FMN1: variants seen among roughly 807,000 people sequenced by gnomAD.
FMN1 encodes formin-1.
Under a neutral mutation model 132.4 loss-of-function variants are expected in FMN1, and 110 were observed. The ratio of observed to expected loss-of-function variants is 0.83; its 90% CI spans 0.71 to 0.97. The LOEUF is 0.97. Among genes scored for constraint, FMN1 ranks in the 50% least tolerant of loss-of-function variants. The pLI is 0.00. For synonymous variants in FMN1, 722 were observed against 651.7 expected (o/e 1.11, Z -1.64); for missense variants, 1,792 against 1,705.3 (o/e 1.05, Z -0.90).
intron 4 of FMN1, among the ~76,000 whole-genome samples, chr15:33,126,993 G>A (rs1295927376): frequency 3.3e-5 from 5 of 152,214 alleles, no homozygotes; most frequent in Non-Finnish European, 5.9e-5. Context: ...GCAAGATGCT[G>A]TCATGACTAC....
At chr15:32,851,144 A>T (rs1402329734) in intron 17 of FMN1, among the ~76,000 whole-genome samples, 1 of 152,194 alleles carries the variant, frequency 6.6e-6, no homozygotes, top group East Asian at 1.9e-4. Context: ...AGTTTCATAG[A>T]CTAGGGCTAG....
At chr15:32,830,380 T>A (rs1381016481) in intron 17 of FMN1, among the ~76,000 whole-genome samples, 1 of 152,202 alleles carries the variant, frequency 6.6e-6, no homozygotes, top group Non-Finnish European at 1.5e-5. Flanking sequence ...CCAGATCACA[T>A]TTTTGGAGTT....
chr15:32,847,858 AAAAC>A (rs1156573874), intron 17 of FMN1, among the ~76,000 whole-genome samples: 2 of 152,212 alleles, frequency 1.3e-5, no homozygotes, highest in African/African-American at 2.4e-5. Context: ...CCATCTCAAA[AAAAC>A]AAACAAACAA....
At chr15:32,916,823 C>T (rs1383584835) in intron 10 of FMN1, among the ~76,000 whole-genome samples, 1 of 152,164 alleles carries the variant, frequency 6.6e-6, no homozygotes, top group African/African-American at 2.4e-5. Context: ...AACTTAGCTG[C>T]TTTGCCCAAA....
chr15:33,106,211 G>C (rs924048202), intron 4 of FMN1: 1 of 151,686 alleles, frequency 6.6e-6, no homozygotes, highest in African/African-American at 2.4e-5. Flanking sequence ...ATTTTTCCTT[G>C]CTTCTTAACA....
At chr15:33,170,506 A>G (rs1965277445) in intron 3 of FMN1, among the ~76,000 whole-genome samples, 1 of 152,004 alleles carries the variant, frequency 6.6e-6, no homozygotes, top group African/African-American at 2.4e-5. Context: ...TTTTCATCTG[A>G]CAAGAAACAA....
chr15:32,855,363 T>C (rs183466837), intron 17 of FMN1, among the ~76,000 whole-genome samples: 1 of 152,036 alleles, frequency 6.6e-6, no homozygotes, highest in African/African-American at 2.4e-5. Context: ...TACCTTTACT[T>C]CCCTGTCATA....
intron 5 of FMN1, among the ~76,000 whole-genome samples, chr15:33,073,819 T>TC (rs2038093090): frequency 6.7e-6 from 1 of 149,524 alleles, no homozygotes; most frequent in South Asian, 2.2e-4. Context: ...AGCCTTCACC[T>TC]CCCCTTGCTC....
chr15:32,996,237 A>G (rs1004266971), intron 7 of FMN1, among the ~76,000 whole-genome samples: 9 of 152,236 alleles, frequency 5.9e-5, no homozygotes, highest in Non-Finnish European at 1.3e-4. Flanking sequence ...AAAGGTTTAA[A>G]TAATTTCTTC....
intron 16 of FMN1, among the ~76,000 whole-genome samples, chr15:32,886,468 C>T (rs1399750442): frequency 6.6e-6 from 1 of 152,122 alleles, no homozygotes; most frequent in Non-Finnish European, 1.5e-5. Flanking sequence ...TCAGAGCCTC[C>T]CTAGACAAAA....
At chr15:32,852,603 G>C (rs181896171) in intron 17 of FMN1, among the ~76,000 whole-genome samples, 2 of 152,156 alleles carry the variant, frequency 1.3e-5, no homozygotes, top group South Asian at 4.1e-4. Context: ...CTGGCCTCAA[G>C]TGATCCTCCT....
At chr15:33,060,721 A>C (rs1471656599) in intron 6 of FMN1, among the ~76,000 whole-genome samples, 2 of 152,250 alleles carry the variant, frequency 1.3e-5, no homozygotes, top group African/African-American at 4.8e-5. Flanking sequence ...CTTCAGGTAG[A>C]GAGAAAAGCT....
intron 4 of FMN1, among the ~76,000 whole-genome samples, chr15:33,151,972 C>T (rs1964456665): frequency 6.6e-6 from 1 of 152,196 alleles, no homozygotes; most frequent in Middle Eastern, 3.2e-3. Flanking sequence ...TTCACAAGTT[C>T]AAAATGACCA....
At chr15:32,916,980 T>A (rs1209998525) in intron 10 of FMN1, among the ~76,000 whole-genome samples, 1 of 152,086 alleles carries the variant, frequency 6.6e-6, no homozygotes, top group African/African-American at 2.4e-5. Context: ...CTCCGTGACC[T>A]CTACAAAGGC....
intron 4 of FMN1, among the ~76,000 whole-genome samples, chr15:33,147,267 A>G (rs1159597731): frequency 6.6e-6 from 1 of 152,172 alleles, no homozygotes; most frequent in East Asian, 1.9e-4. Context: ...TTACAACCCG[A>G]AAAGGTTGTC....
At position 32,772,403 on chromosome 15, in the gene FMN1, T is replaced by C. The variant is rs1271261776; in HGVS notation, c.*1907A>G. On this transcript the variant is annotated 3_prime_UTR_variant, in exon 21 of 21. Transcript: ENST00000616417. ...ATGGCATGGGTAAAACTGGCACTTT[T>C]CTTGTGCATGATAACACTAGAAGGA... 1 of 152,214 alleles carries C rather than the reference T, an allele frequency of 6.6e-6. No homozygotes were observed. The highest frequency in any genetic ancestry group is 2.4e-5 in the African/African-American group (1 of 41,454). 9.4% of individuals were successfully genotyped at this position (152,214 alleles called of 1,614,324 possible).
intron 11 of FMN1, among the ~76,000 whole-genome samples, chr15:32,909,204 T>G (rs1417465339): frequency 6.6e-6 from 1 of 152,218 alleles, no homozygotes; most frequent in Non-Finnish European, 1.5e-5. Flanking sequence ...TGGAAGGTAC[T>G]GCCTTTGACA....
intron 6 of FMN1, among the ~76,000 whole-genome samples, chr15:33,056,137 T>C (rs2037206086): frequency 6.6e-6 from 1 of 152,216 alleles, no homozygotes; most frequent in Non-Finnish European, 1.5e-5. Context: ...AAACACTGTT[T>C]AGCATCATCT....
chr15:32,860,661 A>G (rs138530658), intron 16 of FMN1: 2 of 152,078 alleles, frequency 1.3e-5, no homozygotes, highest in African/African-American at 4.8e-5. Flanking sequence ...TCTCCTGTCT[A>G]AAAAATATAT....
Sources: allele counts gnomAD v4.1 joint callset (sites outside exome capture counted in the v4.1 genomes callset), GRCh38; gene constraint gnomAD v4.1.1; transcripts MANE v1.5; gene names NCBI Gene and HGNC (gene_info 2026-07-23, HGNC 2026-07-21).